Variants in DGKI observed in about 807,000 individuals in gnomAD.
DGKI encodes DAG kinase iota.
DGKI carries 55 observed loss-of-function variants against 147.5 expected under a neutral mutation model. That is an observed-to-expected ratio of 0.37 (90% confidence interval 0.30 to 0.47). DGKI has a LOEUF of 0.47. Among genes scored for constraint, DGKI ranks in the 20% least tolerant of loss-of-function variants. The pLI is 1.00. For missense variants in DGKI, 1,007 were observed against 1,323.8 expected (o/e 0.76, Z 3.71); for synonymous variants, 469 against 477.1 (o/e 0.98, Z 0.22).
chr7:137,839,355 A>G (rs1304866034), intron 1 of DGKI, among the ~76,000 whole-genome samples: 1 of 152,238 alleles, frequency 6.6e-6, no homozygotes, highest in Non-Finnish European at 1.5e-5. Flanking sequence ...TCTCATTTTC[A>G]TATTACCTGA....
At chr7:137,753,945 TACA>T (rs1292748393) in intron 1 of DGKI, among the ~76,000 whole-genome samples, 1 of 151,952 alleles carries the variant, frequency 6.6e-6, no homozygotes, top group African/African-American at 2.4e-5. Flanking sequence ...ATGTTTCTAT[TACA>T]ACATTAAAAA....
intron 20 of DGKI, 55 bp downstream of exon 20, chr7:137,552,314 C>T (rs773963497): frequency 3.1e-6 from 5 of 1,592,282 alleles, no homozygotes; most frequent in Non-Finnish European, 4.3e-6. Flanking sequence ...ACATGCTCTG[C>T]ACTCTCCTCT....
chr7:137,448,885 T>C (rs1231055054), intron 27 of DGKI, among the ~76,000 whole-genome samples: 1 of 152,184 alleles, frequency 6.6e-6, no homozygotes, highest in Non-Finnish European at 1.5e-5. Context: ...AAGAAACTTG[T>C]GGCTTTTTCC....
At chr7:137,751,221 C>G (rs1036194145) in intron 1 of DGKI, among the ~76,000 whole-genome samples, 1 of 152,206 alleles carries the variant, frequency 6.6e-6, no homozygotes, top group Non-Finnish European at 1.5e-5. Context: ...ACTACAGTTT[C>G]TTAATTTCCA....
intron 1 of DGKI, among the ~76,000 whole-genome samples, chr7:137,835,849 A>C (rs1585551799): frequency 6.6e-6 from 1 of 152,342 alleles, no homozygotes; most frequent in East Asian, 1.9e-4. Flanking sequence ...TCCTGCAGTG[A>C]AAAGAGTATG....
intron 28 of DGKI, among the ~76,000 whole-genome samples, chr7:137,427,664 A>G (rs1235883306): frequency 6.6e-6 from 1 of 151,900 alleles, no homozygotes; most frequent in East Asian, 1.9e-4. Flanking sequence ...CAAGACTAAT[A>G]AAGAAAAAAA....
At chr7:137,504,210 T>C (rs1407742021) in intron 21 of DGKI, among the ~76,000 whole-genome samples, 2 of 152,202 alleles carry the variant, frequency 1.3e-5, no homozygotes, top group Non-Finnish European at 2.9e-5. Context: ...TTCAACAAGA[T>C]GTCATTGTGG....
chr7:137,813,461 G>A lies in DGKI; in HGVS notation c.401+33001C>T, dbSNP rs3800670. Among the ~76,000 whole-genome samples, 104 of 152,302 alleles carry A rather than the reference G, an allele frequency of 6.8e-4. 2 individuals are homozygous for A. The East Asian group carries it at 0.016, about 23-fold the overall frequency. The stretch of plus-strand genomic sequence containing the variant: ...CACTTTCAGTCATGTCACACTGGGC[G>A]TGGCAGGGCTATGGATGCACTTTGT... On this transcript the variant is annotated intron_variant, in intron 1 of 32. Transcript: ENST00000614521.
intron 1 of DGKI, among the ~76,000 whole-genome samples, chr7:137,752,420 C>T (rs1049895901): frequency 3.9e-5 from 6 of 152,176 alleles, no homozygotes; most frequent in African/African-American, 1.4e-4. Context: ...CGGAATTCCG[C>T]TAAGGGAGGA....
chr7:137,466,882 C>T lies in DGKI; in HGVS notation c.2484+20G>A. 1.9e-6 allele frequency: 3 copies of T among 1,613,592 alleles called. No homozygotes were observed. The South Asian group carries it at 3.3e-5, about 18-fold the overall frequency. ...CTTGGGAATTTTTCACTTTCACAAG[C>T]AGGCTGGAAAAAAACTTACCTGAGA... On this transcript the variant is annotated intron_variant, in intron 25 of 32. Transcript: ENST00000614521.
At chr7:137,411,041 A>G (rs1812143658) in intron 29 of DGKI, among the ~76,000 whole-genome samples, 1 of 152,240 alleles carries the variant, frequency 6.6e-6, no homozygotes, top group African/African-American at 2.4e-5. Flanking sequence ...CTGTTGAAAA[A>G]TGCAGCACAG....
At position 137,557,482 on chromosome 7, in the gene DGKI, A is replaced by G. The variant is rs147786818; in HGVS notation, c.1948-4914T>C. On this transcript the variant is annotated intron_variant, in intron 19 of 32. Coordinates refer to ENST00000614521, the MANE Select transcript of DGKI (RefSeq NM_001321708.2). ...TTATTGGAGAAATGATGGATAATTT[A>G]GCCAAAGAGGCTGGGAATATTTCCC... Among the ~76,000 whole-genome samples the G allele has an allele frequency of 6.6e-3, 998 of 152,364 alleles. 5 individuals carry two copies. Among genetic ancestry groups the G allele is most frequent in the Non-Finnish European group, 9.7e-3 (662 of 68,040 alleles).
At chr7:137,597,314 C>T (rs1228283779) in intron 12 of DGKI, among the ~76,000 whole-genome samples, 1 of 152,068 alleles carries the variant, frequency 6.6e-6, no homozygotes, top group Non-Finnish European at 1.5e-5. Context: ...GATCATTATA[C>T]ATTCTATGCA....
At chr7:137,688,632 C>T (rs1823505484) in intron 2 of DGKI, among the ~76,000 whole-genome samples, 1 of 152,218 alleles carries the variant, frequency 6.6e-6, no homozygotes, top group Admixed American at 6.5e-5. Context: ...CAAACCAACT[C>T]TTTCGGTTCC....
chr7:137,845,264 C>A lies in DGKI; in HGVS notation c.401+1198G>T, dbSNP rs533566549. Among the ~76,000 whole-genome samples, 98 of 152,256 alleles carry A rather than the reference C, an allele frequency of 6.4e-4. No homozygotes were observed. In the South Asian group the frequency reaches 0.02, roughly 31 times the overall value. On this transcript the variant is annotated intron_variant, in intron 1 of 32. Coordinates refer to ENST00000614521, the MANE Select transcript of DGKI (RefSeq NM_001321708.2). ...TAGTGACTGTGGCCTCCAGGCCAGG[C>A]GATGTCTATGGGGATCCCAATTATT...
chr7:137,761,879 C>A (rs371231611), intron 1 of DGKI, among the ~76,000 whole-genome samples: 1 of 152,098 alleles, frequency 6.6e-6, no homozygotes, highest in Non-Finnish European at 1.5e-5. Context: ...TCAACTTGAC[C>A]GAAGCAAGAT....
chr7:137,441,843 C>T (rs997506776), intron 28 of DGKI, among the ~76,000 whole-genome samples: 1 of 152,132 alleles, frequency 6.6e-6, no homozygotes, highest in African/African-American at 2.4e-5. Context: ...CTACTTCTCA[C>T]CTCTCCTACA....
intron 1 of DGKI, among the ~76,000 whole-genome samples, chr7:137,821,258 T>G (rs2117034983): frequency 6.6e-6 from 1 of 152,292 alleles, no homozygotes; most frequent in East Asian, 1.9e-4. Flanking sequence ...TGAAAGGAGT[T>G]GATGGCTGCA....
Position 137,391,265 on chromosome 7 carries a change from C to A in DGKI, c.3129G>T (p.Gln1043His). ...PDLAAYLESRQNYKVIGHEDL... is the reference protein window; with the variant it reads ...PDLAAYLESRHNYKVIGHEDL... ...CCTCATGGCCAATGACCTTATAGTT[C>A]TGACGGCTTTCTAGGTAAGCAGCCA... The change falls in exon 33 of 33, where the codon CAG becomes CAT. Residue 1043 changes from glutamine (Q) to histidine (H), a missense_variant. By Grantham distance (24) the Gln-to-His change is conservative (BLOSUM62 0). Coordinates refer to ENST00000614521, the MANE Select transcript of DGKI (RefSeq NM_001321708.2). 2 of 1,613,790 alleles carry A rather than the reference C, an allele frequency of 1.2e-6. No individual in the cohort carries two copies. Among genetic ancestry groups the A allele is most frequent in the South Asian group, 1.1e-5 (1 of 91,074 alleles).
Sources: allele counts gnomAD v4.1 joint callset (sites outside exome capture counted in the v4.1 genomes callset), GRCh38; gene constraint gnomAD v4.1.1; transcripts MANE v1.5; gene names NCBI Gene and HGNC (gene_info 2026-07-23, HGNC 2026-07-21).